Variants in ZMYM2 observed in about 807,000 individuals in gnomAD.
The protein encoded by ZMYM2 is zinc finger MYM-type protein 2.
A neutral mutation model predicts 162.8 loss-of-function variants in ZMYM2; 56 were observed. That is an observed-to-expected ratio of 0.34 (90% CI 0.28 to 0.43). The LOEUF (loss-of-function observed/expected upper bound fraction) is 0.43, where lower values mean the gene tolerates loss of function less well. Ranked by LOEUF, ZMYM2 falls within the 20% of genes least tolerant of loss-of-function variation. The probability of loss-of-function intolerance (pLI) is 1.00; values close to 1 mark genes in which losing one functional copy is unlikely to be tolerated. For synonymous variants in ZMYM2, 510 were observed against 541.6 expected, an observed-to-expected ratio of 0.94 and a Z score of 0.81; for missense variants, 1,275 against 1,621.8, an observed-to-expected ratio of 0.79 and a Z score of 3.67.
At chr13:20,008,259 T>C (rs1950902067) in intron 6 of ZMYM2, among the ~76,000 whole-genome samples, 1 of 152,150 alleles carries the variant, frequency 6.6e-6, no homozygotes, top group Non-Finnish European at 1.5e-5. Flanking sequence ...GCCTCCTGAG[T>C]GGCTGGGATT....
the ZMYM2 span, among the ~76,000 whole-genome samples, chr13:19,887,920 A>G: frequency 1.3e-5 from 2 of 149,136 alleles, no homozygotes; most frequent in Non-Finnish European, 3.0e-5. Context: ...TCACTTTGTC[A>G]CCCAGGCTGG....
chr13:20,014,656 A>T (rs183450997), intron 6 of ZMYM2, among the ~76,000 whole-genome samples: 15,204 of 130,922 alleles, frequency 0.12, 1,248 homozygotes, highest in African/African-American at 0.25. Flanking sequence ...GTTCTGTTTT[A>T]TTTTTCCTGC....
chr13:19,885,512 G>A, the ZMYM2 span, among the ~76,000 whole-genome samples: 1 of 152,054 alleles, frequency 6.6e-6, no homozygotes, highest in African/African-American at 2.4e-5. Flanking sequence ...CAGAAAGTGG[G>A]CTTTGAGTAC....
intron 10 of ZMYM2, among the ~76,000 whole-genome samples, chr13:20,033,015 A>G (rs1953344549): frequency 6.6e-6 from 1 of 152,108 alleles, no homozygotes; most frequent in African/African-American, 2.4e-5. Flanking sequence ...CTGTCTCCAG[A>G]TCATTTAAAC....
chr13:19,892,913 C>T, the ZMYM2 span, among the ~76,000 whole-genome samples: 1 of 151,156 alleles, frequency 6.6e-6, no homozygotes, highest in South Asian at 2.1e-4. Flanking sequence ...CGGGGTTTCA[C>T]CATGTTGGCC....
the ZMYM2 span, among the ~76,000 whole-genome samples, chr13:19,882,140 C>G: frequency 2.0e-5 from 3 of 152,068 alleles, no homozygotes. Context: ...CCTATGTTTT[C>G]TTAGATACAA....
chr13:20,048,871 C>CA (rs1955059345), intron 12 of ZMYM2, among the ~76,000 whole-genome samples: 2 of 150,674 alleles, frequency 1.3e-5, no homozygotes, highest in African/African-American at 2.4e-5. Flanking sequence ...AAGAAAACCA[C>CA]AAAATAGATG....
chr13:20,056,800 C>G (rs1288110672), intron 14 of ZMYM2, among the ~76,000 whole-genome samples: 1 of 152,082 alleles, frequency 6.6e-6, no homozygotes, highest in Non-Finnish European at 1.5e-5. Context: ...GAAAAATTGT[C>G]AATAAAACAG....
Position 20,067,200 on chromosome 13 carries a change from T to C in ZMYM2, c.3302-39T>C, listed in dbSNP as rs1295947251. On this transcript the variant is annotated intron_variant, in intron 20 of 24. Transcript: ENST00000610343. ...AAGTTTCTTAACCTTAATAAGACGC[T>C]AAATAATAACAATTATTTTTTATTT... 3 of 1,491,828 alleles carry C rather than the reference T, an allele frequency of 2.0e-6. No individual in the cohort carries two copies. The African/African-American group carries it at 4.2e-5, about 21-fold the overall frequency. 92.4% of individuals were successfully genotyped at this position (1,491,828 alleles called of 1,614,324 possible).
chr13:20,020,815 T>C (rs888961385), intron 7 of ZMYM2, among the ~76,000 whole-genome samples: 5 of 152,150 alleles, frequency 3.3e-5, no homozygotes, highest in African/African-American at 1.2e-4. Flanking sequence ...GTGAATACCA[T>C]GCAGCATATT....
At chr13:19,879,609 T>C in the ZMYM2 span, among the ~76,000 whole-genome samples, 1 of 152,234 alleles carries the variant, frequency 6.6e-6, no homozygotes, top group Non-Finnish European at 1.5e-5. Context: ...CTTTTAAAGA[T>C]TGTTTTGGCT....
chr13:19,906,619 A>G, the ZMYM2 span, among the ~76,000 whole-genome samples: 8 of 151,696 alleles, frequency 5.3e-5, no homozygotes, highest in African/African-American at 1.9e-4. Flanking sequence ...TGTGTTGCCC[A>G]GACTGTGGTG....
At chr13:20,075,670 C>CTTTTTTTTTTTTTTTTTTTTT (rs56664916) in intron 21 of ZMYM2, among the ~76,000 whole-genome samples, 30 of 75,718 alleles carry the variant, frequency 4.0e-4, no homozygotes, top group South Asian at 5.2e-4. Context: ...CTATAGACAC[C>CTTTTTTTTTTTTTTTTTTTTT]TTTTTTTTTT....
chr13:20,013,216 C>T (rs1016118412), intron 6 of ZMYM2, among the ~76,000 whole-genome samples: 65 of 152,154 alleles, frequency 4.3e-4, no homozygotes, highest in African/African-American at 1.5e-3. Context: ...TCTTTTAATG[C>T]TATTTCTAGT....
chr13:19,874,717 G>C, the ZMYM2 span, among the ~76,000 whole-genome samples: 17,038 of 151,288 alleles, frequency 0.11, 1,258 homozygotes, highest in African/African-American at 0.21. Context: ...TGTAAGAAAA[G>C]ATATACAGAT....
chr13:20,077,482 C>T (rs546673236), intron 21 of ZMYM2, among the ~76,000 whole-genome samples: 2 of 150,532 alleles, frequency 1.3e-5, no homozygotes, highest in South Asian at 2.1e-4. Context: ...ATGTTATGCT[C>T]GTGTTGTATA....
rs368414953 is a variant in ZMYM2, at chr13:20,067,253, T to G, written c.3316T>G (p.Leu1106Val). The G allele has an allele frequency of 8.1e-5, 126 of 1,553,290 alleles. No homozygotes were observed. The Middle Eastern group carries it at 1.2e-3, about 14-fold the overall frequency. Residue 1106 changes from leucine (L) to valine (V), a missense_variant, in exon 21 of 25, where the codon TTA becomes GTA. This residue lies in a region of ZMYM2 where 229 missense variants were observed against 283.8 expected (regional missense o/e 0.81). Coordinates refer to ENST00000610343, the MANE Select transcript of ZMYM2 (RefSeq NM_197968.4). ...DELKSSKSVK[L>V]KEDLLSHTTA... ...TGTATTTTTAGCTAAATCAGTAAAG[T>G]TAAAAGAGGATCTACTCTCTCACAC...
intron 17 of ZMYM2, among the ~76,000 whole-genome samples, chr13:20,061,742 C>T (rs1413506249): frequency 1.3e-5 from 2 of 152,038 alleles, no homozygotes; most frequent in Non-Finnish European, 2.9e-5. Flanking sequence ...GCACGTGCCA[C>T]CACGCCCAGC....
the ZMYM2 span, among the ~76,000 whole-genome samples, chr13:19,920,446 A>C: frequency 2.0e-5 from 3 of 151,728 alleles, no homozygotes; most frequent in Admixed American, 2.0e-4. Context: ...AGGTGTAAGC[A>C]GGCAGAGTTT....
Sources: gnomAD v4.1 joint callset for allele counts (sites outside exome capture counted in the v4.1 genomes callset) on GRCh38, gnomAD v4.1.1 for gene constraint, gnomAD v4.1.1 regional missense constraint, MANE v1.5 for transcripts, NCBI Gene and HGNC (gene_info 2026-07-23, HGNC 2026-07-21) for gene names.